The following HCFC2 variants were observed in gnomAD, a reference collection of about 807,000 sequenced individuals.
The protein encoded by HCFC2 is host cell factor 2.
In HCFC2, 18 loss-of-function variants were observed where a neutral mutation model predicts 89.2. That is an observed-to-expected ratio of 0.20 (90% CI 0.14 to 0.30). The LOEUF (loss-of-function observed/expected upper bound fraction) is 0.30, where lower values mean the gene tolerates loss of function less well. HCFC2 is among the 10% of genes least tolerant of loss of function. HCFC2 has a pLI of 1.00. For missense variants in HCFC2, 578 were observed against 956.1 expected (o/e 0.60, Z 5.21); for synonymous variants, 308 against 335.7 (o/e 0.92, Z 0.90).
chr12:104,077,607 C>CT (rs576826778), intron 3 of HCFC2, among the ~76,000 whole-genome samples: 51 of 146,834 alleles, frequency 3.5e-4, no homozygotes, highest in Admixed American at 8.3e-4. Flanking sequence ...CTATACTTTG[C>CT]TTTTTTTTCC....
rs1212476011 is a variant in HCFC2 at position 104,064,978 on chromosome 12, A to G, written c.163+255A>G. 1 of 372,134 alleles carries G rather than the reference A, an allele frequency of 2.7e-6. No individual in the cohort carries two copies. The highest frequency in any genetic ancestry group is 4.8e-6 in the Non-Finnish European group (1 of 209,962). 23.1% of individuals were successfully genotyped at this position (372,134 alleles called of 1,614,324 possible). On this transcript the variant is annotated intron_variant, in intron 1 of 14. Transcript: ENST00000229330. This position sits in a 1 kb window ranked among gnomAD's most constrained non-coding sequence, Gnocchi z 7.3. ...CCGGCCTTCAGGCGGGGGATCCCGGACGCCCCCACCCCAGCCCGACAGGCG... is the reference window on the plus strand; with the variant it reads ...CCGGCCTTCAGGCGGGGGATCCCGGGCGCCCCCACCCCAGCCCGACAGGCG...
At chr12:104,079,100 C>T (rs1431072636) in intron 3 of HCFC2, among the ~76,000 whole-genome samples, 6 of 152,194 alleles carry the variant, frequency 3.9e-5, no homozygotes, top group Non-Finnish European at 8.8e-5. Context: ...GGGAAGGGAA[C>T]ATAGACCCAA....
chr12:104,096,176 G>T (rs1256853297), intron 11 of HCFC2, among the ~76,000 whole-genome samples, 184 bp from the exon 12 acceptor site: 1 of 152,010 alleles, frequency 6.6e-6, no homozygotes, highest in African/African-American at 2.4e-5. Context: ...ACTACTTATT[G>T]TAAATAATAG....
At chr12:104,101,040 C>T (rs1412903653) in intron 13 of HCFC2, among the ~76,000 whole-genome samples, 1 of 151,414 alleles carries the variant, frequency 6.6e-6, no homozygotes, top group Non-Finnish European at 1.5e-5. Context: ...CCTTAAAGTA[C>T]GAGAACACAG....
At chr12:104,069,906 T>A (rs1883267938) in intron 3 of HCFC2, among the ~76,000 whole-genome samples, 2 of 152,176 alleles carry the variant, frequency 1.3e-5, no homozygotes, top group Non-Finnish European at 2.9e-5. Context: ...CTGTCCATGT[T>A]TTCTCATTGT....
intron 12 of HCFC2, among the ~76,000 whole-genome samples, chr12:104,097,945 A>C (rs1884224592): frequency 6.6e-6 from 1 of 152,222 alleles, no homozygotes; most frequent in Admixed American, 6.5e-5. Flanking sequence ...GAAATGAGCC[A>C]GCTTGGAATG....
intron 3 of HCFC2, among the ~76,000 whole-genome samples, chr12:104,075,807 T>C (rs1022519606): frequency 2.6e-5 from 4 of 152,228 alleles, no homozygotes; most frequent in Admixed American, 6.5e-5. Flanking sequence ...CTTCTAATAA[T>C]TTGAATGCTC....
intron 7 of HCFC2, among the ~76,000 whole-genome samples, chr12:104,084,047 T>G (rs1489084160): frequency 1.3e-5 from 2 of 152,160 alleles, no homozygotes; most frequent in Admixed American, 1.3e-4. Flanking sequence ...AAAATAATTA[T>G]TAAAGCACCA....
At chr12:104,082,940 G>A (rs1363450814) in intron 7 of HCFC2, 39 bp downstream of exon 7, 1 of 1,466,006 alleles carries the variant, frequency 6.8e-7, no homozygotes, top group Non-Finnish European at 9.3e-7. Context: ...TTTTCCTTTA[G>A]GTAAGCACTC....
chr12:104,092,382 C>T (rs1473705856), intron 9 of HCFC2, among the ~76,000 whole-genome samples: 2 of 152,164 alleles, frequency 1.3e-5, no homozygotes, highest in East Asian at 3.8e-4. Flanking sequence ...AGGAGGATTG[C>T]TTGGCAGGCA....
intron 13 of HCFC2, among the ~76,000 whole-genome samples, chr12:104,099,227 C>T (rs546152518): frequency 2.7e-4 from 41 of 152,178 alleles, no homozygotes; most frequent in African/African-American, 9.6e-4. Context: ...CTCATGAGAA[C>T]TCACTATACA....
At chr12:104,087,470 T>TATATATATATGTGTATATATATATAC (rs1465669746) in intron 8 of HCFC2, among the ~76,000 whole-genome samples, 2 of 7,346 alleles carry the variant, frequency 2.7e-4, no homozygotes, top group Non-Finnish European at 7.1e-4. Context: ...TATATACATA[T>TATATATATATGTGTATATATATATAC]ATATATATAT....
At chr12:104,071,875 CATT>C (rs905384692) in intron 3 of HCFC2, among the ~76,000 whole-genome samples, 1 of 152,174 alleles carries the variant, frequency 6.6e-6, no homozygotes, top group African/African-American at 2.4e-5. Flanking sequence ...AGTAGTATCT[CATT>C]GTGGTTTTAA....
chr12:104,089,437 AC>A (rs577256261), intron 9 of HCFC2, among the ~76,000 whole-genome samples: 331 of 152,206 alleles, frequency 2.2e-3, no homozygotes, highest in Non-Finnish European at 4.1e-3. Context: ...AATGGTGTGA[AC>A]CCAAGAGACG....
Position 104,095,549 on chromosome 12 carries a change from G to T in HCFC2, c.1652G>T (p.Ser551Ile). 6.2e-7 allele frequency: 1 copy of T among 1,612,738 alleles called. No homozygotes were observed. Among genetic ancestry groups the T allele is most frequent in the Non-Finnish European group, 8.5e-7 (1 of 1,178,906 alleles). Residue 551 changes from serine (S) to isoleucine (I), a missense_variant, in exon 11 of 15, where the codon AGT becomes ATT. Ser to Ile is a moderately radical substitution (Grantham distance 142, BLOSUM62 -2). This residue lies in a region of HCFC2 where 210 missense variants were observed against 251.7 expected (regional missense o/e 0.83). Coordinates refer to ENST00000229330, the MANE Select transcript of HCFC2 (RefSeq NM_013320.3). The surrounding 1 kb of genome is among the most constrained non-coding windows in gnomAD (Gnocchi z 4.2). ...VKDETSLTTF[S>I]TKSEVDETYA... Reference sequence around the variant, plus strand: ...GATGAAACTTCACTAACAACATTCAGTACCAAATCTGAAGGTTTGAAATGT... The same window carrying T: ...GATGAAACTTCACTAACAACATTCATTACCAAATCTGAAGGTTTGAAATGT...
chr12:104,073,667 G>A (rs1883409392), intron 3 of HCFC2, among the ~76,000 whole-genome samples: 1 of 152,090 alleles, frequency 6.6e-6, no homozygotes, highest in Non-Finnish European at 1.5e-5. Context: ...ATACTTTTGT[G>A]ACTAGTGTAA....
chr12:104,084,794 G>A (rs1883787244), intron 7 of HCFC2, among the ~76,000 whole-genome samples: 4 of 152,198 alleles, frequency 2.6e-5, no homozygotes. Flanking sequence ...GGGAGGACTG[G>A]ATAAATTCAG....
Position 104,079,424 on chromosome 12 carries a change from AT to A in HCFC2, c.474-15del. 1 of 1,560,770 alleles carries A rather than the reference AT, an allele frequency of 6.4e-7. No individual in the cohort carries two copies. Among genetic ancestry groups the A allele is most frequent in the Non-Finnish European group, 8.8e-7 (1 of 1,137,964 alleles). On this transcript the variant is annotated intron_variant, in intron 3 of 14. Transcript: ENST00000229330. ...GGGTATATATTATCTGAATGTTTTA[AT>A]TTTTTCTATGATATCCTAGATATTT...
At chr12:104,088,377 G>T (rs1297055208) in intron 9 of HCFC2, among the ~76,000 whole-genome samples, 1 of 152,160 alleles carries the variant, frequency 6.6e-6, no homozygotes, top group African/African-American at 2.4e-5. Context: ...GTACTTATGT[G>T]TTTATTATTT....
Sources: gnomAD v4.1 joint callset for allele counts (sites outside exome capture counted in the v4.1 genomes callset) on GRCh38, gnomAD v4.1.1 for gene constraint, gnomAD v4.1.1 regional missense constraint, Gnocchi (gnomAD v3.1) non-coding constraint, MANE v1.5 for transcripts, NCBI Gene and HGNC (gene_info 2026-07-23, HGNC 2026-07-21) for gene names.